SMARCAD1: variants seen among roughly 807,000 people sequenced by gnomAD.
The protein encoded by SMARCAD1 is SNF2 related chromatin remodeling ATPase with DExD box 1.
In SMARCAD1, 25 loss-of-function variants were observed where a neutral mutation model predicts 127.1. That is an observed-to-expected ratio of 0.20 (90% CI 0.14 to 0.27). SMARCAD1 has a LOEUF of 0.27. Among genes scored for constraint, SMARCAD1 ranks in the 10% least tolerant of loss-of-function variants. The probability of loss-of-function intolerance (pLI) is 1.00; values close to 1 mark genes in which losing one functional copy is unlikely to be tolerated. For synonymous variants in SMARCAD1, 400 were observed against 396.9 expected, an observed-to-expected ratio of 1.01 and a Z score of -0.09; for missense variants, 807 against 1,206.0, an observed-to-expected ratio of 0.67 and a Z score of 4.90.
intron 2 of SMARCAD1, among the ~76,000 whole-genome samples, chr4:94,212,871 A>G (rs2125789291): frequency 6.6e-6 from 1 of 151,778 alleles, no homozygotes; most frequent in African/African-American, 2.4e-5. Flanking sequence ...GGTACAGGAC[A>G]TCCTCCCTAA....
intron 9 of SMARCAD1, among the ~76,000 whole-genome samples, chr4:94,256,893 A>G (rs918780099): frequency 5.9e-5 from 9 of 152,194 alleles, no homozygotes; most frequent in African/African-American, 2.2e-4. Flanking sequence ...GGTATTTATA[A>G]TAATGAATAA....
chr4:94,217,512 T>C (rs1389732028), intron 2 of SMARCAD1, among the ~76,000 whole-genome samples: 1 of 152,208 alleles, frequency 6.6e-6, no homozygotes, highest in Non-Finnish European at 1.5e-5. Context: ...TTTGTCTCTT[T>C]TTAAAAAATT....
chr4:94,283,322 A>C lies in SMARCAD1; in HGVS notation c.2909+19A>C, dbSNP rs200783225. On this transcript the variant is annotated intron_variant, in intron 22 of 23. Coordinates refer to ENST00000354268, the MANE Select transcript of SMARCAD1 (RefSeq NM_020159.5). ...AGACTAAGTAAGTGTTTTTAGTTGG[A>C]ATGTATTTTTAATTCAGTGCCACTT... 9 of 1,606,638 alleles carry C rather than the reference A, an allele frequency of 5.6e-6. No individual in the cohort carries two copies. Among genetic ancestry groups the C allele is most frequent in the Non-Finnish European group, 7.7e-6 (9 of 1,175,342 alleles).
chr4:94,220,654 A>G (rs927966866), intron 2 of SMARCAD1, among the ~76,000 whole-genome samples: 5 of 152,202 alleles, frequency 3.3e-5, no homozygotes, highest in African/African-American at 1.2e-4. Context: ...TTAAGACACT[A>G]CTTGCCTTTT....
chr4:94,253,278 C>T, intron 9 of SMARCAD1: 1 of 1,428,852 alleles, frequency 7.0e-7, no homozygotes, highest in Non-Finnish European at 9.3e-7. Flanking sequence ...AAACTTCGTT[C>T]ATTTCACTGC....
chr4:94,267,546 C>T (rs1751920219), intron 10 of SMARCAD1, among the ~76,000 whole-genome samples: 1 of 152,030 alleles, frequency 6.6e-6, no homozygotes, highest in Non-Finnish European at 1.5e-5. Context: ...AATTTTGGAA[C>T]TAGTTTCTCT....
chr4:94,259,457 A>C (rs1455820473), intron 9 of SMARCAD1, among the ~76,000 whole-genome samples: 1 of 152,178 alleles, frequency 6.6e-6, no homozygotes, highest in Non-Finnish European at 1.5e-5. Context: ...CTAAATTCTA[A>C]ATCAGCAGCA....
intron 2 of SMARCAD1, among the ~76,000 whole-genome samples, chr4:94,222,889 G>A (rs922827619): frequency 8.6e-5 from 13 of 151,972 alleles, no homozygotes; most frequent in South Asian, 8.3e-4. Flanking sequence ...ACTTGAACCC[G>A]GGAGGCGGAG....
chr4:94,234,223 C>T (rs113675044), intron 4 of SMARCAD1, 101 bp downstream of exon 4: 14 of 1,050,358 alleles, frequency 1.3e-5, no homozygotes, highest in South Asian at 5.9e-5. Flanking sequence ...AGATATCTTA[C>T]GTTTGAAGAT....
At chr4:94,282,280 T>C (rs1294271996) in intron 21 of SMARCAD1, among the ~76,000 whole-genome samples, 2 of 145,390 alleles carry the variant, frequency 1.4e-5, no homozygotes, top group Admixed American at 1.4e-4. Context: ...GTATTTTTAG[T>C]AGAGACGGGG....
chr4:94,216,505 G>A (rs1230805967), intron 2 of SMARCAD1, among the ~76,000 whole-genome samples: 6 of 152,052 alleles, frequency 3.9e-5, no homozygotes, highest in Non-Finnish European at 7.4e-5. Context: ...ATTTTTAAGT[G>A]TACAGTTCAG....
At chr4:94,218,898 G>GTC (rs1743637785) in intron 2 of SMARCAD1, among the ~76,000 whole-genome samples, 1 of 152,042 alleles carries the variant, frequency 6.6e-6, no homozygotes, top group Non-Finnish European at 1.5e-5. Flanking sequence ...TGCAACCTCT[G>GTC]TCTCCTGGGT....
chr4:94,245,956 G>T (rs1463015912), intron 6 of SMARCAD1, among the ~76,000 whole-genome samples: 2 of 152,082 alleles, frequency 1.3e-5, no homozygotes, highest in Non-Finnish European at 2.9e-5. Context: ...TCCCACTGGG[G>T]CTTGCCAAAG....
At chr4:94,285,924 G>C (rs140494651) in intron 23 of SMARCAD1, among the ~76,000 whole-genome samples, 3 of 152,330 alleles carry the variant, frequency 2.0e-5, no homozygotes, top group Non-Finnish European at 4.4e-5. Context: ...GCATAAGGCA[G>C]ATTCTCTTTG....
intron 21 of SMARCAD1, among the ~76,000 whole-genome samples, chr4:94,282,366 G>T (rs537594790): frequency 1.3e-5 from 2 of 151,710 alleles, no homozygotes; most frequent in African/African-American, 4.8e-5. Flanking sequence ...AAAGTGCTGG[G>T]ATTACAGGCG....
chr4:94,276,639 A>G (rs1418267782), intron 15 of SMARCAD1, among the ~76,000 whole-genome samples, 165 bp downstream of exon 15: 1 of 152,224 alleles, frequency 6.6e-6, no homozygotes, highest in Non-Finnish European at 1.5e-5. Context: ...AATATTTCAC[A>G]CTTTATGGAC....
intron 9 of SMARCAD1, among the ~76,000 whole-genome samples, chr4:94,258,024 AT>A (rs1750382211): frequency 6.7e-6 from 1 of 150,372 alleles, no homozygotes; most frequent in Admixed American, 6.6e-5. Context: ...GTACTACATG[AT>A]TTTTATTTTT....
intron 15 of SMARCAD1, 110 bp from the exon 16 acceptor site, chr4:94,276,909 TTAA>T (rs1329829783): frequency 2.8e-6 from 3 of 1,079,052 alleles, no homozygotes; most frequent in Non-Finnish European, 4.1e-6. Context: ...TGTTAAATTA[TTAA>T]TAATGGTTTT....
intron 2 of SMARCAD1, among the ~76,000 whole-genome samples, chr4:94,217,967 T>C (rs1472721692): frequency 6.6e-6 from 1 of 152,222 alleles, no homozygotes; most frequent in Non-Finnish European, 1.5e-5. Flanking sequence ...ATCTGAAATA[T>C]GTCTCTCACA....
Sources: gnomAD v4.1 joint callset for allele counts (sites outside exome capture counted in the v4.1 genomes callset) on GRCh38, gnomAD v4.1.1 for gene constraint, MANE v1.5 for transcripts, NCBI Gene and HGNC (gene_info 2026-07-23, HGNC 2026-07-21) for gene names.